The following MGAT4C variants were observed in gnomAD, a reference collection of about 807,000 sequenced individuals.
MGAT4C encodes alpha-1,3-mannosyl-glycoprotein 4-beta-N-acetylglucosaminyltransferase C.
Under a neutral mutation model 40.1 loss-of-function variants are expected in MGAT4C, and 19 were observed. The ratio of observed to expected loss-of-function variants is 0.47; its 90% CI spans 0.33 to 0.70. MGAT4C has a LOEUF of 0.70. Ranked by LOEUF, MGAT4C falls within the 30% of genes least tolerant of loss-of-function variation. The pLI, the probability that MGAT4C is intolerant of heterozygous loss-of-function variation, is 0.02. For synonymous variants in MGAT4C, 181 were observed against 187.1 expected (o/e 0.97, Z 0.27); for missense variants, 491 against 563.2 (o/e 0.87, Z 1.30).
chr12:86,304,630 T>C (rs1404205722), intron 4 of MGAT4C, among the ~76,000 whole-genome samples: 2 of 150,754 alleles, frequency 1.3e-5, no homozygotes, highest in African/African-American at 5.0e-5. Context: ...AAAAACTGTT[T>C]AAATTTTAAC....
intron 4 of MGAT4C, among the ~76,000 whole-genome samples, chr12:86,278,178 C>CTTTTTTTTTT (rs57981698): frequency 2.0e-5 from 2 of 99,938 alleles, no homozygotes; most frequent in Admixed American, 1.3e-4. Flanking sequence ...TGTTGACTTC[C>CTTTTTTTTTT]TTTTTTTTTT....
In MGAT4C at chr12:85,996,591, TAAAAG is replaced by T. The variant is rs1431954503; in HGVS notation, c.-6-7044_-6-7040del. Among the ~76,000 whole-genome samples the T allele has an allele frequency of 3.3e-5, 5 of 152,152 alleles. No homozygotes were observed. In the East Asian group the frequency reaches 9.7e-4, roughly 29 times the overall value. On this transcript the variant is annotated intron_variant, in intron 2 of 4. Coordinates refer to ENST00000611864, the MANE Select transcript of MGAT4C (RefSeq NM_001351288.2). ...ATAAAGACAAAAAATGAGTTAATAA[TAAAAG>T]AAAAGATAGAGATAAACATTAATCA...
intron 2 of MGAT4C, among the ~76,000 whole-genome samples, chr12:86,541,843 A>T (rs1210123560): frequency 6.6e-6 from 1 of 152,204 alleles, no homozygotes; most frequent in Non-Finnish European, 1.5e-5. Flanking sequence ...TGTATAAGCA[A>T]ATCAATACAG....
chr12:86,569,555 A>G (rs557007127), intron 2 of MGAT4C, among the ~76,000 whole-genome samples: 1 of 152,208 alleles, frequency 6.6e-6, no homozygotes, highest in Non-Finnish European at 1.5e-5. Context: ...AATGTTGGTG[A>G]AGATGTAAAG....
chr12:86,647,510 T>C (rs1210632759), intron 2 of MGAT4C, among the ~76,000 whole-genome samples: 1 of 151,910 alleles, frequency 6.6e-6, no homozygotes, highest in Non-Finnish European at 1.5e-5. Context: ...CTGCACTCTG[T>C]CATTATATAT....
Position 85,976,670 on chromosome 12 carries a change from TTA to T in MGAT4C, c.*2617_*2618del, listed in dbSNP as rs1389449373. 2.3e-4 allele frequency: 33 copies of T among 146,520 alleles called. No individual in the cohort carries two copies. Among genetic ancestry groups the T allele is most frequent in the African/African-American group, 5.9e-4 (24 of 40,700 alleles). The allele number at this position is 146,520 out of a possible 1,614,324, so 9.1% of individuals were successfully genotyped here. ...AATTATATATATATGTATATATATATTATATATATGTATATATGTATTATATA... is the reference window on the plus strand; with the variant it reads ...AATTATATATATATGTATATATATATTATATATGTATATATGTATTATATA... On this transcript the variant is annotated 3_prime_UTR_variant, in exon 5 of 5. Transcript: ENST00000611864.
At chr12:86,003,756 A>C in intron 2 of MGAT4C, among the ~76,000 whole-genome samples, 1 of 151,994 alleles carries the variant, frequency 6.6e-6, no homozygotes, top group East Asian at 1.9e-4. Flanking sequence ...GTGAAGAAGA[A>C]GAAGAAGAAG....
intron 2 of MGAT4C, among the ~76,000 whole-genome samples, chr12:86,589,842 T>C (rs1006865763): frequency 6.6e-6 from 1 of 151,972 alleles, no homozygotes; most frequent in African/African-American, 2.4e-5. Context: ...TTTAAAGCAA[T>C]ATTACTTGGA....
At chr12:86,831,101 AAACCC>A (rs1350327888) in intron 1 of MGAT4C, among the ~76,000 whole-genome samples, 2 of 151,760 alleles carry the variant, frequency 1.3e-5, no homozygotes, top group African/African-American at 2.4e-5. Flanking sequence ...CCCCCATTGG[AAACCC>A]ATGAAGAGTA....
At chr12:86,373,318 C>G (rs1214189125) in intron 3 of MGAT4C, among the ~76,000 whole-genome samples, 1 of 151,956 alleles carries the variant, frequency 6.6e-6, no homozygotes, top group African/African-American at 2.4e-5. Flanking sequence ...CAAAACTGAT[C>G]CATCTTTCAT....
intron 3 of MGAT4C, among the ~76,000 whole-genome samples, chr12:86,347,845 T>C (rs1004912927): frequency 6.7e-6 from 1 of 149,472 alleles, no homozygotes; most frequent in East Asian, 2.1e-4. Context: ...TAACTTTACT[T>C]CTCCTTTTTT....
chr12:86,562,199 ACTGTT>A (rs1959898672), intron 2 of MGAT4C, among the ~76,000 whole-genome samples: 1 of 152,112 alleles, frequency 6.6e-6, no homozygotes, highest in Non-Finnish European at 1.5e-5. Flanking sequence ...ATCTTCTAAG[ACTGTT>A]CTGAGTGGGA....
At chr12:86,194,456 ATT>A (rs763005541) in intron 1 of MGAT4C, among the ~76,000 whole-genome samples, 3 of 142,766 alleles carry the variant, frequency 2.1e-5, no homozygotes, top group Non-Finnish European at 3.1e-5. Flanking sequence ...GAGCAAATCA[ATT>A]TTTTTTTTTT....
At chr12:86,524,757 G>T (rs963706563) in intron 2 of MGAT4C, among the ~76,000 whole-genome samples, 1 of 152,016 alleles carries the variant, frequency 6.6e-6, no homozygotes, top group Non-Finnish European at 1.5e-5. Context: ...CAGAAGTTTC[G>T]TGTATTCCCT....
At chr12:86,355,254 G>A (rs1468810143) in intron 3 of MGAT4C, among the ~76,000 whole-genome samples, 1 of 152,152 alleles carries the variant, frequency 6.6e-6, no homozygotes, top group Non-Finnish European at 1.5e-5. Context: ...ACAGAATGCT[G>A]ATTGGCACAT....
chr12:86,830,247 C>CTGT (rs1952895297), intron 1 of MGAT4C, among the ~76,000 whole-genome samples: 1 of 151,540 alleles, frequency 6.6e-6, no homozygotes, highest in South Asian at 2.1e-4. Flanking sequence ...CCATCTCTCT[C>CTGT]TGTGGTATGT....
At chr12:86,830,492 T>A (rs1440977878) in intron 1 of MGAT4C, among the ~76,000 whole-genome samples, 1 of 151,804 alleles carries the variant, frequency 6.6e-6, no homozygotes, top group African/African-American at 2.4e-5. Flanking sequence ...GTAGATTTAG[T>A]GAATACTATC....
intron 3 of MGAT4C, among the ~76,000 whole-genome samples, chr12:86,399,941 TG>T (rs1956326780): frequency 6.6e-6 from 1 of 152,218 alleles, no homozygotes; most frequent in Admixed American, 6.5e-5. Context: ...AATAGGGTTG[TG>T]GGATCCCTGA....
At chr12:86,621,316 A>G (rs960240071) in intron 2 of MGAT4C, among the ~76,000 whole-genome samples, 3 of 152,196 alleles carry the variant, frequency 2.0e-5, no homozygotes, top group Admixed American at 2.0e-4. Context: ...AATACTTGAA[A>G]TAATTGTTTT....
Sources: gnomAD v4.1 joint callset for allele counts (sites outside exome capture counted in the v4.1 genomes callset) on GRCh38, gnomAD v4.1.1 for gene constraint, MANE v1.5 for transcripts, NCBI Gene and HGNC (gene_info 2026-07-23, HGNC 2026-07-21) for gene names.